Variants in GTPBP10 observed in about 807,000 individuals in gnomAD.
GTPBP10 encodes the protein GTP binding protein 10.
Under a neutral mutation model 44.8 loss-of-function variants are expected in GTPBP10, and 38 were observed. The observed-to-expected ratio is 0.85, with a 90% CI of 0.65 to 1.11. GTPBP10 has a LOEUF of 1.11. Ranked by LOEUF, GTPBP10 falls within the 50% of genes most tolerant of loss-of-function variation. The pLI is 0.00. For synonymous variants in GTPBP10, 152 were observed against 150.6 expected (o/e 1.01, Z -0.07); for missense variants, 462 against 453.7 (o/e 1.02, Z -0.17).
chr7:90,378,110 T>C, intron 7 of GTPBP10, 24 bp from the exon 8 acceptor site: 1 of 1,593,304 alleles, frequency 6.3e-7, no homozygotes, highest in Non-Finnish European at 8.6e-7. Context: ...TTAAAGGCTG[T>C]CTCTTTCCTT....
At chr7:90,378,604 G>T (rs1039919472) in intron 8 of GTPBP10, among the ~76,000 whole-genome samples, 2 of 152,050 alleles carry the variant, frequency 1.3e-5, no homozygotes, top group African/African-American at 4.8e-5. Flanking sequence ...ATTATTCAGA[G>T]TTCTGTCCTA....
chr7:90,383,968 G>T (rs1196471476), intron 9 of GTPBP10, among the ~76,000 whole-genome samples: 1 of 152,144 alleles, frequency 6.6e-6, no homozygotes, highest in African/African-American at 2.4e-5. Flanking sequence ...TTACTCATGG[G>T]ATATAAATAT....
In GTPBP10 at chr7:90,377,612, G is replaced by A; in HGVS notation, c.697G>A (p.Val233Ile). ...AGAAAGAACTAGACAACTACTTTTT[G>A]TTGTAAGTCATATGTATACTAATGT... ...HIERTRQLLF[V>I]VDISGFQLSS... The change falls in exon 7 of 10, where the codon GTT becomes ATT. Residue 233 changes from valine to isoleucine, a missense_variant and splice_region_variant. Transcript: ENST00000222511. 1 of 1,586,812 alleles carries A rather than the reference G, an allele frequency of 6.3e-7. No homozygotes were observed. The highest frequency in any genetic ancestry group is 8.6e-7 in the Non-Finnish European group (1 of 1,158,384).
intron 6 of GTPBP10, among the ~76,000 whole-genome samples, chr7:90,377,085 A>G (rs1018610882): frequency 5.3e-5 from 8 of 152,146 alleles, no homozygotes; most frequent in South Asian, 2.1e-4. Context: ...TTAACTGGGC[A>G]TGGCGGTACG....
intron 9 of GTPBP10, among the ~76,000 whole-genome samples, chr7:90,384,503 G>T (rs1796488420): frequency 6.6e-6 from 1 of 152,092 alleles, no homozygotes; most frequent in Non-Finnish European, 1.5e-5. Flanking sequence ...CCAGTGTACT[G>T]AGGCCAAGTA....
intron 9 of GTPBP10, among the ~76,000 whole-genome samples, chr7:90,383,345 C>T (rs911719998): frequency 6.6e-6 from 1 of 152,080 alleles, no homozygotes; most frequent in Non-Finnish European, 1.5e-5. Context: ...TTAAATTGGG[C>T]CCATAAGGCA....
chr7:90,362,570 G>T lies in GTPBP10; in HGVS notation c.464+7340G>T, dbSNP rs542818822. On this transcript the variant is annotated intron_variant, in intron 4 of 9. Coordinates refer to ENST00000222511, the MANE Select transcript of GTPBP10 (RefSeq NM_033107.4). ...ACTTCCAACTATGTGGTCAATTTTG[G>T]ATTAAGTGCGGTGTGGTGCTGAGAA... 7.2e-5 allele frequency among the ~76,000 whole-genome samples: 11 copies of T among 152,266 alleles called. No homozygotes were observed. The South Asian group carries it at 2.3e-3, about 32-fold the overall frequency.
At chr7:90,350,554 C>G (rs1374124786) in intron 1 of GTPBP10, among the ~76,000 whole-genome samples, 1 of 152,148 alleles carries the variant, frequency 6.6e-6, no homozygotes, top group Non-Finnish European at 1.5e-5. Flanking sequence ...AGCTTTAGAT[C>G]CTTCACATTC....
chr7:90,360,932 CTGTT>C (rs1475324140), intron 4 of GTPBP10, among the ~76,000 whole-genome samples: 1 of 152,120 alleles, frequency 6.6e-6, no homozygotes, highest in Non-Finnish European at 1.5e-5. Context: ...ATTTGGCTCT[CTGTT>C]TATCTGTTAT....
In GTPBP10 at chr7:90,384,987, GA is replaced by G; in HGVS notation, c.999del (p.Glu334AsnfsTer2). 1.2e-6 allele frequency: 2 copies of G among 1,613,724 alleles called. No homozygotes were observed. The highest frequency in any genetic ancestry group is 1.7e-6 in the Non-Finnish European group (2 of 1,179,810). On this transcript the variant is annotated frameshift_variant, in exon 10 of 10. Coordinates refer to ENST00000222511, the MANE Select transcript of GTPBP10 (RefSeq NM_033107.4). LOFTEE classifies it high-confidence loss of function. Reference sequence around the variant, plus strand: ...ATCTGCAGTTACTGGAGAAGGAATCGAAGAATTAAAGAATTGTATAAGAAAG... The same window carrying G: ...ATCTGCAGTTACTGGAGAAGGAATCGAGAATTAAAGAATTGTATAAGAAAG... ...PISAVTGEGIEELKNCIRKSL... is the reference protein window; with the variant it reads ...PISAVTGEGIXELKNCIRKSL...
chr7:90,370,381 A>G (rs1372634883), intron 4 of GTPBP10, among the ~76,000 whole-genome samples: 1 of 151,956 alleles, frequency 6.6e-6, no homozygotes, highest in South Asian at 2.1e-4. Flanking sequence ...CACACACACC[A>G]TAGAATACTA....
intron 4 of GTPBP10, 27 bp from the exon 5 acceptor site, chr7:90,372,128 G>A: frequency 7.2e-7 from 1 of 1,383,568 alleles, no homozygotes; most frequent in African/African-American, 1.4e-5. Context: ...ATTGACATTT[G>A]TGTATAATTT....
At chr7:90,360,641 C>T (rs375066755) in intron 4 of GTPBP10, among the ~76,000 whole-genome samples, 6 of 151,964 alleles carry the variant, frequency 3.9e-5, no homozygotes, top group Non-Finnish European at 5.9e-5. Context: ...TGTTTCCATA[C>T]GAACTTTAAA....
intron 4 of GTPBP10, among the ~76,000 whole-genome samples, chr7:90,359,192 A>C (rs1338083280): frequency 1.3e-5 from 2 of 152,084 alleles, no homozygotes; most frequent in Non-Finnish European, 2.9e-5. Flanking sequence ...GGTATGCACA[A>C]CATGCAGCTT....
At chr7:90,370,723 A>G (rs758299955) in intron 4 of GTPBP10, among the ~76,000 whole-genome samples, 6 of 152,122 alleles carry the variant, frequency 3.9e-5, no homozygotes, top group Non-Finnish European at 7.4e-5. Flanking sequence ...TAAAAGAAAT[A>G]GGTCGGACAT....
chr7:90,386,009 C>T lies in GTPBP10; in HGVS notation c.*855C>T, dbSNP rs1228788530. 6.6e-6 allele frequency: 1 copy of T among 151,726 alleles called. No individual in the cohort carries two copies. The highest frequency in any genetic ancestry group is 1.5e-5 in the Non-Finnish European group (1 of 67,956). The allele number at this position is 151,726 out of a possible 1,614,324, so 9.4% of individuals were successfully genotyped here. A position where few individuals can be genotyped will look rare whatever the true frequency, so the allele number is the denominator to read the frequency against. ...CGGGAGGTGGAGGATACAATGAACC[C>T]GAGGTCGCGCCACTGCACTTCAGCC... is the stretch of plus-strand genomic sequence containing the variant. On this transcript the variant is annotated 3_prime_UTR_variant, in exon 10 of 10. Transcript: ENST00000222511.
intron 4 of GTPBP10, among the ~76,000 whole-genome samples, chr7:90,370,672 A>C (rs573829773): frequency 7.9e-5 from 12 of 152,280 alleles, no homozygotes; most frequent in East Asian, 1.9e-4. Context: ...ACAACAACAA[A>C]AAAATCACTT....
chr7:90,372,186 A>ATCCTCTTT lies in GTPBP10; in HGVS notation c.496_497insTCCTCTTT (p.Ser166IlefsTer21). The ATCCTCTTT allele has an allele frequency of 6.2e-7, 1 of 1,607,132 alleles. No individual in the cohort carries two copies. Among genetic ancestry groups the ATCCTCTTT allele is most frequent in the Non-Finnish European group, 8.5e-7 (1 of 1,176,290 alleles). The stretch of plus-strand genomic sequence containing the variant: ...AAATGCTGGAAAATCCTCTTTGCTA[A>ATCCTCTTT]GTTGTGTTTCTCATGCAAAACCTGC... On this transcript the variant is annotated frameshift_variant, in exon 5 of 10. Coordinates refer to ENST00000222511, the MANE Select transcript of GTPBP10 (RefSeq NM_033107.4). LOFTEE classifies it high-confidence loss of function.
intron 6 of GTPBP10, among the ~76,000 whole-genome samples, chr7:90,376,709 C>G (rs1488288447): frequency 6.6e-6 from 1 of 152,138 alleles, no homozygotes; most frequent in Non-Finnish European, 1.5e-5. Context: ...CAACCTAATA[C>G]TTTGTAAGAA....
Sources: gnomAD v4.1 joint callset for allele counts (sites outside exome capture counted in the v4.1 genomes callset) on GRCh38, gnomAD v4.1.1 for gene constraint, MANE v1.5 for transcripts, NCBI Gene and HGNC (gene_info 2026-07-23, HGNC 2026-07-21) for gene names.